Variants in NOX4 observed in about 807,000 individuals in gnomAD.
The protein encoded by NOX4 is NADPH oxidase 4, also known as kidney oxidase-1.
A neutral mutation model predicts 87.6 loss-of-function variants in NOX4; 69 were observed. The observed-to-expected ratio is 0.79, with a 90% CI of 0.65 to 0.96. The LOEUF (loss-of-function observed/expected upper bound fraction) is 0.96. Among genes scored for constraint, NOX4 ranks in the 40% least tolerant of loss-of-function variants. NOX4 has a pLI of 0.00. For synonymous variants in NOX4, 275 were observed against 238.2 expected, an observed-to-expected ratio of 1.15 and a Z score of -1.42; for missense variants, 680 against 681.5, an observed-to-expected ratio of 1.00 and a Z score of 0.02.
the NOX4 span, among the ~76,000 whole-genome samples, chr11:89,558,584 C>A: frequency 6.6e-6 from 1 of 152,146 alleles, no homozygotes; most frequent in South Asian, 2.1e-4. Context: ...CTTAGTAGTA[C>A]CCCAGAATAC....
intron 13 of NOX4, among the ~76,000 whole-genome samples, chr11:89,343,993 A>T (rs922477252): frequency 3.3e-5 from 5 of 151,986 alleles, no homozygotes; most frequent in African/African-American, 1.2e-4. Context: ...TAAATCTTTT[A>T]TTAAGGTTAA....
chr11:89,485,747 G>T (rs1171521509), intron 2 of NOX4, among the ~76,000 whole-genome samples: 3 of 152,118 alleles, frequency 2.0e-5, no homozygotes, highest in Non-Finnish European at 4.4e-5. Context: ...TTATTTAAAA[G>T]GTTGCCATGG....
At chr11:89,343,893 C>T (rs1946109964) in intron 13 of NOX4, among the ~76,000 whole-genome samples, 1 of 151,942 alleles carries the variant, frequency 6.6e-6, no homozygotes, top group Non-Finnish European at 1.5e-5. Flanking sequence ...ATATCTTCCT[C>T]CCTGACCCAC....
chr11:89,437,034 A>G (rs1381923183), intron 6 of NOX4, among the ~76,000 whole-genome samples: 2 of 152,056 alleles, frequency 1.3e-5, no homozygotes, highest in African/African-American at 2.4e-5. Flanking sequence ...AATATTAAAC[A>G]AACAAAAATC....
Position 89,451,798 on chromosome 11 carries a change from C to T in NOX4, c.251G>A (p.Arg84Gln), listed in dbSNP as rs1591291767. The change falls in exon 3 of 18, where the codon CGA (arginine) becomes CAA (glutamine). Residue 84 changes from arginine to glutamine, a missense_variant. Coordinates refer to ENST00000263317, the MANE Select transcript of NOX4 (RefSeq NM_016931.5). ...PMCRTLLAYL[R>Q]GSQKVPSRRT... ...GTTTTTTCTTACCTTCTGTGATCCT[C>T]GGAGGTAAGCCAAGAGTGTTCGGCA... 11 of 1,610,008 alleles carry T rather than the reference C, an allele frequency of 6.8e-6. No individual in the cohort carries two copies. Among genetic ancestry groups the T allele is most frequent in the East Asian group, 2.2e-5 (1 of 44,832 alleles).
chr11:89,423,672 T>A (rs1943211669), intron 7 of NOX4, among the ~76,000 whole-genome samples: 1 of 152,036 alleles, frequency 6.6e-6, no homozygotes, highest in Non-Finnish European at 1.5e-5. Flanking sequence ...CAGACAAACT[T>A]TGGAATCACT....
At chr11:89,584,793 A>G in the NOX4 span, among the ~76,000 whole-genome samples, 1 of 152,166 alleles carries the variant, frequency 6.6e-6, no homozygotes, top group Non-Finnish European at 1.5e-5. Context: ...TAATGTATAT[A>G]CATATATTGA....
intron 7 of NOX4, among the ~76,000 whole-genome samples, chr11:89,429,627 C>G (rs1446524139): frequency 6.6e-6 from 1 of 152,184 alleles, no homozygotes; most frequent in African/African-American, 2.4e-5. Flanking sequence ...GGATAAACTT[C>G]TGGAAACATA....
At chr11:89,572,642 C>T in the NOX4 span, among the ~76,000 whole-genome samples, 2 of 152,128 alleles carry the variant, frequency 1.3e-5, no homozygotes, top group African/African-American at 2.4e-5. Flanking sequence ...CTCCACCTCC[C>T]GGGTTCACGC....
chr11:89,418,827 T>C (rs1863274652), intron 8 of NOX4, among the ~76,000 whole-genome samples: 2 of 151,944 alleles, frequency 1.3e-5, no homozygotes, highest in East Asian at 1.9e-4. Flanking sequence ...AAGATATCTT[T>C]TCAGCTTCCT....
chr11:89,390,747 TATAATCCACAA>T (rs1373354469), intron 11 of NOX4, among the ~76,000 whole-genome samples: 1 of 152,148 alleles, frequency 6.6e-6, no homozygotes, highest in Non-Finnish European at 1.5e-5. Flanking sequence ...ATAGACCAGA[TATAATCCACAA>T]ATTGCGTCTA....
intron 13 of NOX4, among the ~76,000 whole-genome samples, chr11:89,346,834 G>A (rs1259306976): frequency 1.3e-5 from 2 of 152,182 alleles, no homozygotes; most frequent in African/African-American, 4.8e-5. Flanking sequence ...TTTAAGCAGT[G>A]CCTCAGTTTT....
At chr11:89,344,323 G>A (rs1376248841) in intron 13 of NOX4, among the ~76,000 whole-genome samples, 8 of 152,258 alleles carry the variant, frequency 5.3e-5, no homozygotes, top group Admixed American at 5.2e-4. Flanking sequence ...CACTTAGGGA[G>A]GCTGAGGCAG....
intron 8 of NOX4, among the ~76,000 whole-genome samples, chr11:89,407,671 T>C (rs190987283): frequency 1.3e-4 from 20 of 152,178 alleles, no homozygotes; most frequent in African/African-American, 4.1e-4. Context: ...TTTGTTTCTT[T>C]CTTTTTAATA....
intron 11 of NOX4, among the ~76,000 whole-genome samples, chr11:89,378,420 C>A (rs1422794879): frequency 2.0e-5 from 3 of 152,102 alleles, no homozygotes; most frequent in African/African-American, 7.2e-5. Flanking sequence ...CAAGAAAATT[C>A]TCACTCCCCT....
At chr11:89,535,811 CATAAT>C in the NOX4 span, among the ~76,000 whole-genome samples, 2 of 152,056 alleles carry the variant, frequency 1.3e-5, no homozygotes, top group East Asian at 1.9e-4. Context: ...GCCACACTGT[CATAAT>C]ATATTACAGA....
intron 4 of NOX4, among the ~76,000 whole-genome samples, 181 bp from the exon 5 acceptor site, chr11:89,444,413 C>T (rs1015048494): frequency 1.3e-5 from 2 of 151,080 alleles, no homozygotes; most frequent in African/African-American, 2.4e-5. Context: ...AGACAGTTTA[C>T]CAAATTTTCA....
At chr11:89,398,028 G>C (rs1412086576) in intron 11 of NOX4, among the ~76,000 whole-genome samples, 1 of 151,948 alleles carries the variant, frequency 6.6e-6, no homozygotes, top group Non-Finnish European at 1.5e-5. Flanking sequence ...GAGAATTGTA[G>C]ACCAATATCC....
chr11:89,574,026 T>G, the NOX4 span, among the ~76,000 whole-genome samples: 1 of 152,210 alleles, frequency 6.6e-6, no homozygotes, highest in African/African-American at 2.4e-5. Flanking sequence ...TGCTTCTTCC[T>G]GGCTGCTGCA....
Sources: allele counts gnomAD v4.1 joint callset (sites outside exome capture counted in the v4.1 genomes callset), GRCh38; gene constraint gnomAD v4.1.1; transcripts MANE v1.5; gene names NCBI Gene and HGNC (gene_info 2026-07-23, HGNC 2026-07-21).